Variants in SELP observed in about 807,000 individuals in gnomAD.
The protein encoded by SELP is selectin P.
Under a neutral mutation model 104.1 loss-of-function variants are expected in SELP, and 92 were observed. The observed-to-expected ratio is 0.88, with a 90% confidence interval of 0.75 to 1.05. The LOEUF (loss-of-function observed/expected upper bound fraction) is 1.05. SELP is among the 50% of genes least tolerant of loss of function. The pLI is 0.00. For synonymous variants in SELP, 397 were observed against 364.5 expected, an observed-to-expected ratio of 1.09 and a Z score of -1.01; for missense variants, 1,022 against 1,017.3, an observed-to-expected ratio of 1.00 and a Z score of -0.06.
At chr1:169,590,090 C>A (rs1661273800) in intron 16 of SELP, 57 bp downstream of exon 16, 1 of 1,177,120 alleles carries the variant, frequency 8.5e-7, no homozygotes, top group Admixed American at 1.9e-5. Flanking sequence ...GCTTTATAGT[C>A]TTCCATTTTT....
chr1:169,590,139 G>A lies in SELP; in HGVS notation c.*1+8C>T. The A allele has an allele frequency of 6.3e-7, 1 of 1,593,824 alleles. No individual in the cohort carries two copies. The highest frequency in any genetic ancestry group is 8.6e-7 in the Non-Finnish European group (1 of 1,161,754). ...TTTCCTTCAAAAATATCTTTATAGG[G>A]ATCTTACCTTAAGGACTCGGGTCAA... On this transcript the variant is annotated splice_region_variant and intron_variant, in intron 16 of 16. Transcript: ENST00000263686.
intron 9 of SELP, 25 bp from the exon 10 acceptor site, chr1:169,603,236 A>G (rs1490815174): frequency 1.9e-6 from 3 of 1,593,754 alleles, no homozygotes; most frequent in Non-Finnish European, 2.6e-6. Flanking sequence ...GCAGAGGAGA[A>G]AAGAAGAGAT....
In SELP at chr1:169,612,321, G is replaced by C. The variant is rs1261945386; in HGVS notation, c.857C>G (p.Ser286Cys). ...LHSAKAFQHQ[S>C]SCSFSCEEGF... Reference sequence around the variant, plus strand: ...CTCTTCACAACTGAAGCTGCAGCTAGACTGATGCTGGAATGCTTTTGCAGA... The same window carrying C: ...CTCTTCACAACTGAAGCTGCAGCTACACTGATGCTGGAATGCTTTTGCAGA... Residue 286 changes from serine to cysteine, a missense_variant, in exon 6 of 17, where the codon TCT becomes TGT. Coordinates refer to ENST00000263686, the MANE Select transcript of SELP (RefSeq NM_003005.4). The C allele has an allele frequency of 4.3e-6, 7 of 1,614,136 alleles. No individual in the cohort carries two copies. The South Asian group carries it at 7.7e-5, about 18-fold the overall frequency.
chr1:169,609,510 A>AGACTGG lies in SELP; in HGVS notation c.1321_1326dup (p.Pro441_Val442dup), dbSNP rs1270417474. 1 of 1,612,360 alleles carries AGACTGG rather than the reference A, an allele frequency of 6.2e-7. No individual in the cohort carries two copies. Reference sequence around the variant, plus strand: ...ATTACCACTGTTACAGTACCTTGACAGACTGGGGCTGGTGCTGTCCACTGT... The same window carrying AGACTGG: ...ATTACCACTGTTACAGTACCTTGACAGACTGGGACTGGGGCTGGTGCTGTCCACTGT... On this transcript the variant is annotated inframe_insertion, in exon 8 of 17. Transcript: ENST00000263686.
intron 10 of SELP, among the ~76,000 whole-genome samples, chr1:169,600,196 G>A (rs577087796): frequency 2.2e-4 from 34 of 151,466 alleles, no homozygotes; most frequent in South Asian, 6.3e-4. Context: ...CTGCATCTAC[G>A]GATTCAACTC....
chr1:169,606,913 T>G, intron 9 of SELP, 36 bp downstream of exon 9: 1 of 1,585,492 alleles, frequency 6.3e-7, no homozygotes, highest in African/African-American at 1.4e-5. Context: ...CTGCCTACAA[T>G]TTATTTCCAT....
At chr1:169,630,042 C>T (rs1557980051) in intron 1 of SELP, 30 bp downstream of exon 1, 1 of 1,613,990 alleles carries the variant, frequency 6.2e-7, no homozygotes, top group Non-Finnish European at 8.5e-7. Context: ...TCACTTCAAC[C>T]ACTTCCCATG....
intron 6 of SELP, 88 bp downstream of exon 6, chr1:169,612,129 C>T: frequency 7.3e-7 from 1 of 1,368,106 alleles, no homozygotes; most frequent in Non-Finnish European, 1.0e-6. Context: ...TTCAGGCCAG[C>T]TTCTCCATAA....
At position 169,611,510 on chromosome 1, in the gene SELP, G is replaced by T. The variant is rs1662529933; in HGVS notation, c.1129C>A (p.Pro377Thr). 1.2e-6 allele frequency: 2 copies of T among 1,614,002 alleles called. No individual in the cohort carries two copies. Among genetic ancestry groups the T allele is most frequent in the Admixed American group, 1.7e-5 (1 of 59,994 alleles). The change falls in exon 7 of 17, where the codon CCC becomes ACC. Residue 377 changes from proline (P) to threonine (T), a missense_variant. By Grantham distance (38) the Pro-to-Thr change is conservative. Transcript: ENST00000263686. ...ATCCTACCCTCACAGGTTGGCAAGG[G>T]TGCAGACCAGTGTCCAGAGTCAATG... is the stretch of plus-strand genomic sequence containing the variant. Reference protein sequence around the residue: ...RCIDSGHWSAPLPTCEAISCE... With the variant: ...RCIDSGHWSATLPTCEAISCE...
intron 1 of SELP, among the ~76,000 whole-genome samples, chr1:169,628,718 C>A (rs1385021622): frequency 2.6e-5 from 4 of 152,134 alleles, no homozygotes; most frequent in Non-Finnish European, 4.4e-5. Context: ...AAGTTCATAC[C>A]TTTGAAATAG....
At position 169,602,263 on chromosome 1, in the gene SELP, T is replaced by C. The variant is rs1661944226; in HGVS notation, c.1705+763A>G. On this transcript the variant is annotated intron_variant, in intron 10 of 16. Coordinates refer to ENST00000263686, the MANE Select transcript of SELP (RefSeq NM_003005.4). ...CTGCCTTCAAGAAGCTTATATTCAA[T>C]ATAGAAGTGGAGAGAGGAGGGAAGT... is the stretch of plus-strand genomic sequence containing the variant. 2.6e-5 allele frequency among the ~76,000 whole-genome samples: 4 copies of C among 152,274 alleles called. No individual in the cohort carries two copies. The South Asian group carries it at 8.3e-4, about 32-fold the overall frequency.
chr1:169,598,910 T>A (rs1661759888), intron 10 of SELP, among the ~76,000 whole-genome samples: 1 of 152,210 alleles, frequency 6.6e-6, no homozygotes, highest in Non-Finnish European at 1.5e-5. Flanking sequence ...TTACTGTTTT[T>A]AAAAATTAAC....
chr1:169,604,137 G>A (rs1229977032), intron 9 of SELP, among the ~76,000 whole-genome samples: 31 of 151,738 alleles, frequency 2.0e-4, no homozygotes, highest in African/African-American at 6.5e-4. Flanking sequence ...TTTAATGATC[G>A]CCATTCTAAC....
Position 169,609,689 on chromosome 1 carries a change from G to C in SELP, c.1148C>G (p.Ala383Gly). The change falls in exon 8 of 17, where the codon GCT becomes GGT. Residue 383 changes from alanine to glycine, a missense_variant and splice_region_variant. Physicochemically the swap from Ala to Gly is moderately conservative, Grantham distance 60. Transcript: ENST00000263686. ...HWSAPLPTCE[A>G]ISCEPLESPV... is the part of the protein sequence containing the mutation. ...ACTCTCCAGCGGCTCACACGAAATA[G>C]CTAAGTGGAAAAGGTATCTTCTAAA... The C allele has an allele frequency of 3.7e-6, 6 of 1,607,346 alleles. No individual in the cohort carries two copies. The highest frequency in any genetic ancestry group is 4.2e-6 in the Non-Finnish European group (5 of 1,176,706).
At chr1:169,624,611 T>C (rs1663286015) in intron 1 of SELP, among the ~76,000 whole-genome samples, 1 of 152,062 alleles carries the variant, frequency 6.6e-6, no homozygotes, top group South Asian at 2.1e-4. Context: ...TAGCCAGGCA[T>C]AGTGGCACAT....
intron 10 of SELP, among the ~76,000 whole-genome samples, chr1:169,598,666 T>G (rs3917874): frequency 6.6e-6 from 1 of 152,330 alleles, no homozygotes; most frequent in Non-Finnish European, 1.5e-5. Flanking sequence ...AAAAATAACT[T>G]TTTCATAATC....
chr1:169,612,020 A>G (rs3917727), intron 6 of SELP, among the ~76,000 whole-genome samples, 197 bp downstream of exon 6: 42,429 of 152,042 alleles, frequency 0.28, 6,272 homozygotes, highest in Middle Eastern at 0.35. Flanking sequence ...AACTGCCTGC[A>G]TTTGTGTTTG....
chr1:169,613,000 T>C lies in SELP; in HGVS notation c.704A>G (p.Gln235Arg), dbSNP rs1662623243. Residue 235 changes from glutamine to arginine, a missense_variant, in exon 5 of 17, where the codon CAA (glutamine) becomes CGA (arginine). Coordinates refer to ENST00000263686, the MANE Select transcript of SELP (RefSeq NM_003005.4). ...QCSFHCTDGY[Q>R]VNGPSKLECL... ...TTCCAGCTTGCTGGGCCCATTTACT[T>C]GGTACCCGTCAGTGCAGTGGAAGCT... 1 of 1,613,744 alleles carries C rather than the reference T, an allele frequency of 6.2e-7. No individual in the cohort carries two copies. Among genetic ancestry groups the C allele is most frequent in the African/African-American group, 1.3e-5 (1 of 74,930 alleles).
intron 16 of SELP, 21 bp downstream of exon 16, chr1:169,590,126 A>T (rs937332739): frequency 3.2e-6 from 5 of 1,565,388 alleles, no homozygotes; most frequent in Admixed American, 1.7e-5. Context: ...TCCTTCAAAA[A>T]TATCTTTATA....
Sources: allele counts gnomAD v4.1 joint callset (sites outside exome capture counted in the v4.1 genomes callset), GRCh38; gene constraint gnomAD v4.1.1; transcripts MANE v1.5; gene names NCBI Gene and HGNC (gene_info 2026-07-23, HGNC 2026-07-21).